Variants in ADAMTSL3 observed in about 807,000 individuals in gnomAD.
ADAMTSL3 encodes the protein ADAMTS like 3.
In ADAMTSL3, 128 loss-of-function variants were observed where a neutral mutation model predicts 201.7. The ratio of observed to expected loss-of-function variants is 0.63; its 90% CI spans 0.55 to 0.73. The LOEUF is 0.73. Among genes scored for constraint, ADAMTSL3 ranks in the 30% least tolerant of loss-of-function variants. ADAMTSL3 has a pLI of 0.00. For missense variants in ADAMTSL3, 1,990 were observed against 2,119.6 expected (o/e 0.94, Z 1.20); for synonymous variants, 738 against 748.4 (o/e 0.99, Z 0.23).
intron 3 of ADAMTSL3, among the ~76,000 whole-genome samples, chr15:83,720,479 G>A (rs1372015029): frequency 3.3e-5 from 5 of 152,170 alleles, no homozygotes; most frequent in Non-Finnish European, 5.9e-5. Context: ...GTAATTTAAA[G>A]TTTAATTTAT....
intron 2 of ADAMTSL3, among the ~76,000 whole-genome samples, chr15:83,689,842 G>T (rs1406093471): frequency 2.0e-5 from 3 of 151,850 alleles, no homozygotes; most frequent in Non-Finnish European, 4.4e-5. Flanking sequence ...TTAAAGATGA[G>T]AATTATTTAT....
intron 5 of ADAMTSL3, among the ~76,000 whole-genome samples, chr15:83,806,205 T>C (rs2063600743): frequency 6.6e-6 from 1 of 152,206 alleles, no homozygotes; most frequent in Non-Finnish European, 1.5e-5. Context: ...TGGTGGTGAC[T>C]CTTGCATCCA....
intron 3 of ADAMTSL3, among the ~76,000 whole-genome samples, chr15:83,771,049 T>G (rs774273880): frequency 5.3e-5 from 8 of 151,980 alleles, no homozygotes; most frequent in Non-Finnish European, 8.8e-5. Flanking sequence ...CCAGCCTGGG[T>G]GACAAAGTGA....
chr15:83,866,368 A>G, intron 8 of ADAMTSL3, among the ~76,000 whole-genome samples: 1 of 152,370 alleles, frequency 6.6e-6, no homozygotes, highest in Non-Finnish European at 1.5e-5. Context: ...CCAAATGTGT[A>G]ACAATGATAG....
At chr15:83,725,796 C>T (rs1490050414) in intron 3 of ADAMTSL3, among the ~76,000 whole-genome samples, 1 of 152,122 alleles carries the variant, frequency 6.6e-6, no homozygotes, top group African/African-American at 2.4e-5. Context: ...GTTACTACAG[C>T]TCTGTAGTAT....
intron 15 of ADAMTSL3, among the ~76,000 whole-genome samples, chr15:83,906,402 T>G (rs374142659): frequency 1.3e-5 from 2 of 152,186 alleles, no homozygotes; most frequent in African/African-American, 4.8e-5. Context: ...TTCAGGTTTT[T>G]AGGCTTAGAA....
chr15:83,734,262 C>A (rs942318631), intron 3 of ADAMTSL3, among the ~76,000 whole-genome samples: 1 of 152,072 alleles, frequency 6.6e-6, no homozygotes, highest in Admixed American at 6.6e-5. Flanking sequence ...CTCTCTTGAG[C>A]CTTCAGAACC....
At chr15:84,019,709 T>C (rs1392708876) in intron 25 of ADAMTSL3, among the ~76,000 whole-genome samples, 1 of 151,752 alleles carries the variant, frequency 6.6e-6, no homozygotes, top group Admixed American at 6.6e-5. Context: ...CTGGCCAACA[T>C]GATGAAACCC....
At chr15:84,033,347 C>A (rs147861465) in intron 28 of ADAMTSL3, among the ~76,000 whole-genome samples, 2 of 152,256 alleles carry the variant, frequency 1.3e-5, no homozygotes, top group African/African-American at 4.8e-5. Context: ...TTGACCAAAT[C>A]CTCAATGTGA....
At chr15:83,756,418 C>A (rs2062720292) in intron 3 of ADAMTSL3, among the ~76,000 whole-genome samples, 2 of 152,210 alleles carry the variant, frequency 1.3e-5, no homozygotes, top group Non-Finnish European at 2.9e-5. Context: ...CAGGGGTACT[C>A]CCTTTTATAA....
chr15:83,818,750 G>A (rs1277340102), intron 5 of ADAMTSL3, among the ~76,000 whole-genome samples: 2 of 152,112 alleles, frequency 1.3e-5, no homozygotes, highest in African/African-American at 2.4e-5. Context: ...TCTGGTGGGC[G>A]GAATCAGTAA....
intron 11 of ADAMTSL3, chr15:83,890,901 C>T (rs2065487479): frequency 6.4e-6 from 1 of 157,022 alleles, no homozygotes. Flanking sequence ...CTGCACATTT[C>T]CTGTAAGCCT....
chr15:83,750,114 A>G (rs968068830), intron 3 of ADAMTSL3, among the ~76,000 whole-genome samples: 1 of 152,212 alleles, frequency 6.6e-6, no homozygotes. Context: ...TTGTATTTAC[A>G]CACAAAATTT....
At chr15:83,691,472 T>G (rs955307469) in intron 2 of ADAMTSL3, among the ~76,000 whole-genome samples, 1 of 152,206 alleles carries the variant, frequency 6.6e-6, no homozygotes, top group Non-Finnish European at 1.5e-5. Flanking sequence ...GGCTCCCTTT[T>G]GAAATTTGAG....
chr15:84,003,898 G>A (rs139473969), intron 23 of ADAMTSL3, among the ~76,000 whole-genome samples: 268 of 152,280 alleles, frequency 1.8e-3, no homozygotes, highest in African/African-American at 6.2e-3. Flanking sequence ...CAGCAAGACC[G>A]AGAGGCCCAC....
Position 83,748,108 on chromosome 15 carries a change from C to T in ADAMTSL3, c.190-25415C>T, listed in dbSNP as rs576394546. Among the ~76,000 whole-genome samples the T allele has an allele frequency of 2.6e-5, 4 of 152,260 alleles. No individual in the cohort carries two copies. The South Asian group carries it at 6.2e-4, about 24-fold the overall frequency. On this transcript the variant is annotated intron_variant, in intron 3 of 29. Coordinates refer to ENST00000286744, the MANE Select transcript of ADAMTSL3 (RefSeq NM_207517.3). ...TGAGAATACAAATCAAACTTATTCT[C>T]GTTCATTCTAAAGGGAGTAGCACAT...
At chr15:83,943,175 T>G in intron 19 of ADAMTSL3, 93 bp downstream of exon 19, 7 of 1,410,670 alleles carry the variant, frequency 5.0e-6, no homozygotes, top group Non-Finnish European at 6.6e-6. Flanking sequence ...CTGGAACTAC[T>G]GTGAGATGAG....
At chr15:83,823,762 CA>C (rs1485459437) in intron 6 of ADAMTSL3, among the ~76,000 whole-genome samples, 1 of 152,158 alleles carries the variant, frequency 6.6e-6, no homozygotes, top group Non-Finnish European at 1.5e-5. Context: ...TTGCATTCCT[CA>C]AAGCCCTTCA....
At chr15:83,741,317 T>C (rs187879715) in intron 3 of ADAMTSL3, among the ~76,000 whole-genome samples, 2 of 152,068 alleles carry the variant, frequency 1.3e-5, no homozygotes, top group African/African-American at 2.4e-5. Context: ...TGTGGTTTTT[T>C]CCTAGGAATG....
Sources: allele counts gnomAD v4.1 joint callset (sites outside exome capture counted in the v4.1 genomes callset), GRCh38; gene constraint gnomAD v4.1.1; transcripts MANE v1.5; gene names NCBI Gene and HGNC (gene_info 2026-07-23, HGNC 2026-07-21).